MRC2: variants seen among roughly 807,000 people sequenced by gnomAD.
The protein encoded by MRC2 is mannose receptor C-type 2.
In MRC2, 84 loss-of-function variants were observed where a neutral mutation model predicts 206.2. That is an observed-to-expected ratio of 0.41 (90% CI 0.34 to 0.49). MRC2 has a LOEUF of 0.49. Ranked by LOEUF, MRC2 falls within the 20% of genes least tolerant of loss-of-function variation. The pLI is 0.31. For missense variants in MRC2, 1,676 were observed against 2,001.5 expected (o/e 0.84, Z 3.10); for synonymous variants, 798 against 800.0 (o/e 1.00, Z 0.04).
intron 13 of MRC2, 54 bp from the exon 14 acceptor site, chr17:62,679,746 C>A: frequency 6.4e-7 from 1 of 1,567,566 alleles, no homozygotes; most frequent in Non-Finnish European, 8.7e-7. Flanking sequence ...CGTTTGGGTT[C>A]CTGCCCCTCT....
chr17:62,690,318 G>A lies in MRC2; in HGVS notation c.3892+13G>A. ...CGCTGCCAGAGAGGTGGGTGACCAG[G>A]CCAGAGCCCACACATGGCGGGCAGG... On this transcript the variant is annotated intron_variant, in intron 26 of 29. Coordinates refer to ENST00000303375, the MANE Select transcript of MRC2 (RefSeq NM_006039.5). 1 of 1,598,738 alleles carries A rather than the reference G, an allele frequency of 6.3e-7. No homozygotes were observed. Among genetic ancestry groups the A allele is most frequent in the Non-Finnish European group, 8.5e-7 (1 of 1,170,354 alleles).
chr17:62,636,249 G>A lies in MRC2; in HGVS notation c.118+8329G>A, dbSNP rs576822650. 7.5e-4 allele frequency among the ~76,000 whole-genome samples: 55 copies of A among 73,228 alleles called. 1 individual carries two copies. Among genetic ancestry groups the A allele is most frequent in the African/African-American group, 2.6e-3 (45 of 17,186 alleles). The allele number at this position is 73,228 out of a possible 152,430, so 48.0% of individuals were successfully genotyped here. ...CTGGGCAACAGAGTGAGACCCTGTC[G>A]CAAAAAAAAAAAAAAGTAAAAATGC... On this transcript the variant is annotated intron_variant, in intron 1 of 29. Coordinates refer to ENST00000303375, the MANE Select transcript of MRC2 (RefSeq NM_006039.5).
chr17:62,691,694 C>CGTGGA (rs1210434372), intron 28 of MRC2, among the ~76,000 whole-genome samples: 1 of 147,246 alleles, frequency 6.8e-6, no homozygotes, highest in Non-Finnish European at 1.5e-5. Flanking sequence ...TTGCTTCAAC[C>CGTGGA]GTGGAGGTGG....
intron 1 of MRC2, among the ~76,000 whole-genome samples, chr17:62,653,113 G>A (rs1228059964): frequency 6.6e-6 from 1 of 152,178 alleles, no homozygotes; most frequent in East Asian, 1.9e-4. Flanking sequence ...GCCGGGCGCT[G>A]CCCGGAGCAG....
intron 1 of MRC2, among the ~76,000 whole-genome samples, chr17:62,642,510 G>A (rs958378228): frequency 2.0e-5 from 3 of 152,108 alleles, no homozygotes; most frequent in Non-Finnish European, 4.4e-5. Context: ...GCAGCAGCAC[G>A]ATCTCAGCTC....
intron 1 of MRC2, among the ~76,000 whole-genome samples, chr17:62,638,476 A>C (rs143064816): frequency 6.6e-6 from 1 of 151,954 alleles, no homozygotes; most frequent in Admixed American, 6.6e-5. Flanking sequence ...GTGGTGGTTC[A>C]TGCCTATAAT....
intron 1 of MRC2, among the ~76,000 whole-genome samples, chr17:62,637,757 C>T (rs995644264): frequency 1.3e-5 from 2 of 152,180 alleles, no homozygotes; most frequent in Non-Finnish European, 2.9e-5. Flanking sequence ...TGGAAGAAGC[C>T]TTTCTCTCCA....
chr17:62,627,893 G>A lies in MRC2; in HGVS notation c.91G>A (p.Gly31Ser). ...CGGGTGCCTGCACCTCGGCCGTCCC[G>A]GCGCCCCTGGGGACGCCGCCCTCCC... ...LLGCLHLGRP[G>S]APGDAALPEP... Residue 31 changes from glycine to serine, a missense_variant, in exon 1 of 30, where the codon GGC becomes AGC. Transcript: ENST00000303375. 6.8e-7 allele frequency: 1 copy of A among 1,470,878 alleles called. No homozygotes were observed. Among genetic ancestry groups the A allele is most frequent in the South Asian group, 1.3e-5 (1 of 77,190 alleles). The allele number at this position is 1,470,878 out of a possible 1,614,324, so 91.1% of individuals were successfully genotyped here. A position where few individuals can be genotyped will look rare whatever the true frequency, so the allele number is the denominator to read the frequency against.
In MRC2 at chr17:62,681,825, A is replaced by G. The variant is rs747970242; in HGVS notation, c.2703-12A>G. 2.5e-6 allele frequency: 4 copies of G among 1,608,012 alleles called. No homozygotes were observed. The African/African-American group carries it at 4.0e-5, about 16-fold the overall frequency. The stretch of plus-strand genomic sequence containing the variant: ...CCGGTGCTGGAGTTACCTCTGCTCC[A>G]TGCCATTGCAGATGGACAGATGGTT... On this transcript the variant is annotated splice_polypyrimidine_tract_variant and intron_variant, in intron 18 of 29. Transcript: ENST00000303375.
intron 1 of MRC2, among the ~76,000 whole-genome samples, chr17:62,653,105 C>G (rs2088576963): frequency 6.6e-6 from 1 of 152,090 alleles, no homozygotes; most frequent in African/African-American, 2.4e-5. Context: ...AGGAAAGGGC[C>G]GGGCGCTGCC....
intron 1 of MRC2, among the ~76,000 whole-genome samples, chr17:62,647,965 G>A (rs1254022462): frequency 6.6e-6 from 1 of 152,220 alleles, no homozygotes; most frequent in Non-Finnish European, 1.5e-5. Flanking sequence ...CAGTGGACAG[G>A]AGGAGTGTTT....
Position 62,652,142 on chromosome 17 carries a change from T to C in MRC2, c.119-12406T>C, listed in dbSNP as rs769571960. ...CACCCCACACACCTTGTAGACACTT[T>C]GTCAAAACTACATTTTAAAAAAATG... On this transcript the variant is annotated intron_variant, in intron 1 of 29. Transcript: ENST00000303375. This position sits in a 1 kb window ranked among gnomAD's most constrained non-coding sequence, Gnocchi z 4.6. 4.6e-5 allele frequency among the ~76,000 whole-genome samples: 7 copies of C among 152,234 alleles called. No individual in the cohort carries two copies. Among genetic ancestry groups the C allele is most frequent in the Admixed American group, 6.5e-5 (1 of 15,282 alleles).
At chr17:62,641,794 A>T (rs771092199) in intron 1 of MRC2, among the ~76,000 whole-genome samples, 1 of 152,154 alleles carries the variant, frequency 6.6e-6, no homozygotes, top group Non-Finnish European at 1.5e-5. Flanking sequence ...TCTTTCTCAA[A>T]CCACTGGAAA....
intron 2 of MRC2, among the ~76,000 whole-genome samples, chr17:62,665,437 A>G (rs1336818351): frequency 6.6e-6 from 1 of 152,048 alleles, no homozygotes; most frequent in Non-Finnish European, 1.5e-5. Context: ...AAAGAAAAGA[A>G]AAAAGAAAAA....
Position 62,680,479 on chromosome 17 carries a change from T to C in MRC2, c.2473+26T>C. On this transcript the variant is annotated intron_variant, in intron 16 of 29. Transcript: ENST00000303375. The surrounding 1 kb of genome is among the most constrained non-coding windows in gnomAD (Gnocchi z 4.8). ...GTGAGCACCCCCCAGCCCATCCCGCTACCCATCGCGTGGGAGAGGGCGTCA... is the reference window on the plus strand; with the variant it reads ...GTGAGCACCCCCCAGCCCATCCCGCCACCCATCGCGTGGGAGAGGGCGTCA... 6.2e-7 allele frequency: 1 copy of C among 1,613,656 alleles called. No individual in the cohort carries two copies.
chr17:62,675,036 G>A lies in MRC2; in HGVS notation c.1570-754G>A, dbSNP rs999161340. Among the ~76,000 whole-genome samples, 1 of 152,210 alleles carries A rather than the reference G, an allele frequency of 6.6e-6. No individual in the cohort carries two copies. Among genetic ancestry groups the A allele is most frequent in the Non-Finnish European group, 1.5e-5 (1 of 68,016 alleles). ...GAAGCAGAGGGGAGAGCAGAGCCCA[G>A]CTGCGGAGTCTGTGGACTGGCAAGG... On this transcript the variant is annotated intron_variant, in intron 9 of 29. Coordinates refer to ENST00000303375, the MANE Select transcript of MRC2 (RefSeq NM_006039.5). This position sits in a 1 kb window ranked among gnomAD's most constrained non-coding sequence, Gnocchi z 4.1.
intron 11 of MRC2, 64 bp downstream of exon 11, chr17:62,676,595 C>A: frequency 6.6e-7 from 1 of 1,521,810 alleles, no homozygotes; most frequent in Non-Finnish European, 8.8e-7. Context: ...ACTGGCCCTG[C>A]CAGCACCGAG....
Position 62,680,957 on chromosome 17 carries a change from G to A in MRC2, c.2631G>A (p.Gln877=), listed in dbSNP as rs781770277. 3 of 1,612,906 alleles carry A rather than the reference G, an allele frequency of 1.9e-6. No individual in the cohort carries two copies. The highest frequency in any genetic ancestry group is 4.5e-5 in the East Asian group (2 of 44,878). The change falls in exon 17 of 30, where the codon CAG becomes CAA. Residue 877 remains glutamine (Q), a synonymous_variant. Transcript: ENST00000303375. This position sits in a 1 kb window ranked among gnomAD's most constrained non-coding sequence, Gnocchi z 4.8. The part of the protein sequence containing the change: ...AELDFLSHNL[Q]KFSRAQEQHW... ...TAGACTTCCTGAGCCACAACTTGCAGAAGGTGGGCATTGGATTGAGCAGGG... is the reference window on the plus strand; with the variant it reads ...TAGACTTCCTGAGCCACAACTTGCAAAAGGTGGGCATTGGATTGAGCAGGG...
rs565334933 is a variant in MRC2 at position 62,668,678 on chromosome 17, G to C, written c.1117+1145G>C. Reference sequence around the variant, plus strand: ...TTGCAGCCAGTCTCTGCAGGGTCTTGGCTGCTGGGCCAAGTTTGGGTGGGG... The same window carrying C: ...TTGCAGCCAGTCTCTGCAGGGTCTTCGCTGCTGGGCCAAGTTTGGGTGGGG... On this transcript the variant is annotated intron_variant, in intron 6 of 29. Coordinates refer to ENST00000303375, the MANE Select transcript of MRC2 (RefSeq NM_006039.5). 1.1e-4 allele frequency among the ~76,000 whole-genome samples: 17 copies of C among 152,310 alleles called. No individual in the cohort carries two copies. The South Asian group carries it at 3.3e-3, about 30-fold the overall frequency.
Sources: gnomAD v4.1 joint callset for allele counts (sites outside exome capture counted in the v4.1 genomes callset) on GRCh38, gnomAD v4.1.1 for gene constraint, Gnocchi (gnomAD v3.1) non-coding constraint, MANE v1.5 for transcripts, NCBI Gene and HGNC (gene_info 2026-07-23, HGNC 2026-07-21) for gene names.